NXPE2: variants seen among roughly 807,000 people sequenced by gnomAD.
NXPE2 encodes the protein NXPE family member 2.
In NXPE2, 34 loss-of-function variants were observed where a neutral mutation model predicts 34.4. The ratio of observed to expected loss-of-function variants is 0.99; its 90% CI spans 0.75 to 1.31. The LOEUF (loss-of-function observed/expected upper bound fraction) is 1.31. Among genes scored for constraint, NXPE2 ranks in the 40% most tolerant of loss-of-function variants. The probability of loss-of-function intolerance (pLI) is 0.00; values close to 1 mark genes in which losing one functional copy is unlikely to be tolerated. For missense variants in NXPE2, 649 were observed against 672.5 expected (o/e 0.97, Z 0.39); for synonymous variants, 235 against 231.3 (o/e 1.02, Z -0.15).
At chr11:114,616,970 T>C in the NXPE2 span, among the ~76,000 whole-genome samples, 191 of 146,844 alleles carry the variant, frequency 1.3e-3, 5 homozygotes, top group African/African-American at 5.0e-3. Flanking sequence ...ACCCGGTTTA[T>C]TATTAGTGTT....
At chr11:114,481,551 A>G in the NXPE2 span, among the ~76,000 whole-genome samples, 1 of 151,976 alleles carries the variant, frequency 6.6e-6, no homozygotes. Flanking sequence ...CTAAAAGGTG[A>G]ATGACACCTG....
At chr11:114,661,016 G>C in the NXPE2 span, among the ~76,000 whole-genome samples, 4 of 152,172 alleles carry the variant, frequency 2.6e-5, no homozygotes, top group African/African-American at 9.6e-5. Flanking sequence ...ATTAAGAATG[G>C]CACGGAAAAC....
the NXPE2 span, among the ~76,000 whole-genome samples, chr11:114,536,523 A>G: frequency 6.6e-6 from 1 of 152,298 alleles, no homozygotes; most frequent in East Asian, 1.9e-4. Context: ...AACAAAATTG[A>G]TAGACCGCTA....
At chr11:114,685,531 C>T (rs572590430) in intron 2 of NXPE2, among the ~76,000 whole-genome samples, 1 of 152,260 alleles carries the variant, frequency 6.6e-6, no homozygotes, top group East Asian at 1.9e-4. Context: ...TAAGTTGTAA[C>T]ATACAAATTT....
the NXPE2 span, among the ~76,000 whole-genome samples, chr11:114,544,238 A>G: frequency 1.3e-4 from 20 of 152,300 alleles, no homozygotes; most frequent in Admixed American, 5.2e-4. Flanking sequence ...ACTGACTGAA[A>G]TTTTATATGG....
chr11:114,571,062 T>C, the NXPE2 span: 4 of 1,614,000 alleles, frequency 2.5e-6, no homozygotes, highest in South Asian at 3.3e-5. Context: ...ACTGAGATCC[T>C]GGAAAATGTC....
the NXPE2 span, among the ~76,000 whole-genome samples, chr11:114,579,431 A>G: frequency 3.9e-5 from 6 of 152,204 alleles, no homozygotes; most frequent in Non-Finnish European, 5.9e-5. Context: ...AACACCAGGC[A>G]GGGAAAATAA....
chr11:114,660,701 A>C, the NXPE2 span, among the ~76,000 whole-genome samples: 1 of 152,118 alleles, frequency 6.6e-6, no homozygotes, highest in East Asian at 1.9e-4. Flanking sequence ...TAAGGAAAAA[A>C]ATCAATAATG....
At chr11:114,486,231 G>T in the NXPE2 span, among the ~76,000 whole-genome samples, 2 of 152,124 alleles carry the variant, frequency 1.3e-5, no homozygotes, top group East Asian at 3.9e-4. Context: ...GTTTTGATTT[G>T]CATTTCTCTG....
the NXPE2 span, among the ~76,000 whole-genome samples, chr11:114,560,536 G>A: frequency 1.3e-5 from 2 of 152,046 alleles, no homozygotes; most frequent in Non-Finnish European, 2.9e-5. Flanking sequence ...CAAAGTGCTG[G>A]GATTACAGGC....
chr11:114,630,043 C>T, the NXPE2 span, among the ~76,000 whole-genome samples: 1 of 151,356 alleles, frequency 6.6e-6, no homozygotes, highest in African/African-American at 2.4e-5. Context: ...AATGGAAGAA[C>T]ATTCCATGCT....
At chr11:114,736,351 A>G in the NXPE2 span, among the ~76,000 whole-genome samples, 1 of 152,146 alleles carries the variant, frequency 6.6e-6, no homozygotes, top group Non-Finnish European at 1.5e-5. Flanking sequence ...ACACCCAAGG[A>G]AGCCATTTCA....
the NXPE2 span, among the ~76,000 whole-genome samples, chr11:114,713,713 A>C: frequency 1.3e-5 from 2 of 152,210 alleles, no homozygotes; most frequent in African/African-American, 4.8e-5. Flanking sequence ...TTCGATACTG[A>C]ATCAACGTTA....
chr11:114,606,100 G>A, the NXPE2 span, among the ~76,000 whole-genome samples: 2 of 150,306 alleles, frequency 1.3e-5, no homozygotes, highest in African/African-American at 4.9e-5. Context: ...CTCATGGGTA[G>A]CCACTGTTAT....
At chr11:114,644,921 T>A in the NXPE2 span, among the ~76,000 whole-genome samples, 1 of 151,890 alleles carries the variant, frequency 6.6e-6, no homozygotes, top group Non-Finnish European at 1.5e-5. Flanking sequence ...CTCAATCTAT[T>A]AATAAAAGCT....
the NXPE2 span, among the ~76,000 whole-genome samples, chr11:114,781,799 C>T: frequency 6.6e-6 from 1 of 152,132 alleles, no homozygotes; most frequent in Non-Finnish European, 1.5e-5. Flanking sequence ...CAAACAGACT[C>T]CCCTTATTTT....
the NXPE2 span, among the ~76,000 whole-genome samples, chr11:114,580,958 G>T: frequency 6.6e-6 from 1 of 152,154 alleles, no homozygotes; most frequent in African/African-American, 2.4e-5. Context: ...TGGCAGGTTT[G>T]ATTATTAATC....
chr11:114,628,010 A>G, the NXPE2 span, among the ~76,000 whole-genome samples: 1 of 151,782 alleles, frequency 6.6e-6, no homozygotes, highest in African/African-American at 2.4e-5. Context: ...GAGCACCTAG[A>G]TTCATAAAGC....
chr11:114,528,123 C>G, the NXPE2 span, among the ~76,000 whole-genome samples: 29 of 152,284 alleles, frequency 1.9e-4, no homozygotes, highest in East Asian at 5.0e-3. Flanking sequence ...CTCTACCGAT[C>G]TGCCACATGT....
Sources: gnomAD v4.1 joint callset for allele counts (sites outside exome capture counted in the v4.1 genomes callset) on GRCh38, gnomAD v4.1.1 for gene constraint, MANE v1.5 for transcripts, NCBI Gene and HGNC (gene_info 2026-07-23, HGNC 2026-07-21) for gene names.